CP: variants seen among roughly 807,000 people sequenced by gnomAD.
CP encodes ceruloplasmin.
A neutral mutation model predicts 122.4 loss-of-function variants in CP; 64 were observed. The ratio of observed to expected loss-of-function variants is 0.52; its 90% CI spans 0.43 to 0.64. CP has a LOEUF of 0.64. CP is among the 30% of genes least tolerant of loss of function. CP has a pLI of 0.00. For synonymous variants in CP, 440 were observed against 436.4 expected, an observed-to-expected ratio of 1.01 and a Z score of -0.10; for missense variants, 1,167 against 1,284.4, an observed-to-expected ratio of 0.91 and a Z score of 1.40.
chr3:149,163,549 A>G (rs1301104517), intron 5 of CP, among the ~76,000 whole-genome samples: 2 of 152,186 alleles, frequency 1.3e-5, no homozygotes, highest in Non-Finnish European at 2.9e-5. Flanking sequence ...ATTATTTCCA[A>G]TATTCTTTTT....
chr3:149,184,808 C>T (rs547805023), intron 12 of CP, among the ~76,000 whole-genome samples: 2 of 152,240 alleles, frequency 1.3e-5, no homozygotes, highest in South Asian at 2.1e-4. Flanking sequence ...ATATTCCATA[C>T]GTAACGGTTT....
At chr3:149,202,908 C>CTT (rs34145911) in intron 6 of CP, among the ~76,000 whole-genome samples, 16 of 110,334 alleles carry the variant, frequency 1.5e-4, no homozygotes, top group Non-Finnish European at 1.7e-4. Flanking sequence ...CATGCCTGGC[C>CTT]TTTTTTTTTT....
intron 4 of CP, among the ~76,000 whole-genome samples, chr3:149,208,022 G>A (rs542523609): frequency 6.6e-6 from 1 of 152,098 alleles, no homozygotes; most frequent in South Asian, 2.1e-4. Flanking sequence ...TGGTAGTATG[G>A]ATGTTTTTGC....
At chr3:149,180,845 T>G (rs1438211110) in intron 14 of CP, among the ~76,000 whole-genome samples, 1 of 152,150 alleles carries the variant, frequency 6.6e-6, no homozygotes, top group East Asian at 1.9e-4. Context: ...CTTCCACCAG[T>G]GGTCAGTGCC....
intron 18 of CP, among the ~76,000 whole-genome samples, chr3:149,174,879 A>AT (rs1325662198): frequency 6.6e-6 from 1 of 151,938 alleles, no homozygotes; most frequent in Non-Finnish European, 1.5e-5. Flanking sequence ...TTTCTCTTTA[A>AT]TTTTTTATCT....
chr3:149,166,006 T>C (rs974590136), exon 5 of CP: 59 of 456,156 alleles, frequency 1.3e-4, no homozygotes, highest in African/African-American at 5.4e-4. Context: ...CTGACTGTGA[T>C]TGGGTAGATC....
At chr3:149,211,428 C>A (rs2108299031) in intron 2 of CP, among the ~76,000 whole-genome samples, 1 of 152,288 alleles carries the variant, frequency 6.6e-6, no homozygotes, top group East Asian at 1.9e-4. Context: ...GGGGCTCAGA[C>A]CTTTGTCTAT....
chr3:149,218,409 G>C (rs1272491969), intron 1 of CP, among the ~76,000 whole-genome samples: 1 of 152,128 alleles, frequency 6.6e-6, no homozygotes, highest in Non-Finnish European at 1.5e-5. Context: ...GTAAATAGCA[G>C]TACTGAGTAT....
At chr3:149,176,970 G>A (rs752824568) in intron 17 of CP, among the ~76,000 whole-genome samples, 14 of 152,162 alleles carry the variant, frequency 9.2e-5, no homozygotes, top group Admixed American at 2.6e-4. Flanking sequence ...AAAACAAAAT[G>A]CAGGTAACAA....
chr3:149,188,341 T>A (rs1726316284), intron 9 of CP, 139 bp from the exon 10 acceptor site: 3 of 700,338 alleles, frequency 4.3e-6, no homozygotes, highest in Non-Finnish European at 7.0e-6. Context: ...TAAACTAGGG[T>A]TCCTGAAATA....
At chr3:149,182,304 G>A (rs1482688574) in intron 13 of CP, among the ~76,000 whole-genome samples, 171 bp from the exon 14 acceptor site, 1 of 152,170 alleles carries the variant, frequency 6.6e-6, no homozygotes, top group African/African-American at 2.4e-5. Context: ...AATAAAAATG[G>A]AGACCATTTG....
intron 12 of CP, 123 bp downstream of exon 12, chr3:149,185,116 G>A (rs975988886): frequency 4.1e-5 from 32 of 782,134 alleles, no homozygotes; most frequent in Non-Finnish European, 5.4e-5. Flanking sequence ...TGTTGTTGTT[G>A]TTGTTGTTGT....
At chr3:149,171,276 CAA>C (rs547538833), downstream of CP, among the ~76,000 whole-genome samples, 4 of 140,920 alleles carry the variant, frequency 2.8e-5, no homozygotes, top group South Asian at 4.4e-4. Flanking sequence ...GACTCCGTCT[CAA>C]AAAAAAAAAA....
In CP at chr3:149,210,154, G is replaced by A; in HGVS notation, c.607+13C>T. ...TTTGGTCATATAGCATGTGCAATAA[G>A]GAGAAGATGTACCTTTTTTACAGAT... On this transcript the variant is annotated intron_variant, in intron 3 of 18. Transcript: ENST00000264613. 6.2e-7 allele frequency: 1 copy of A among 1,612,994 alleles called. No individual in the cohort carries two copies. Among genetic ancestry groups the A allele is most frequent in the South Asian group, 1.1e-5 (1 of 91,054 alleles).
chr3:149,192,334 AAT>A (rs1382241899), intron 9 of CP, among the ~76,000 whole-genome samples: 1 of 152,088 alleles, frequency 6.6e-6, no homozygotes, highest in African/African-American at 2.4e-5. Flanking sequence ...CAGATAATCT[AAT>A]AGTTGTTTAG....
At chr3:149,206,064 A>G (rs1332392945) in intron 6 of CP, 104 bp downstream of exon 6, 2 of 1,066,164 alleles carry the variant, frequency 1.9e-6, no homozygotes, top group African/African-American at 3.2e-5. Flanking sequence ...TAGTTACTCA[A>G]TTTCAGATAC....
intron 9 of CP, among the ~76,000 whole-genome samples, chr3:149,192,670 T>C (rs755641663): frequency 2.0e-5 from 3 of 150,544 alleles, no homozygotes; most frequent in African/African-American, 5.0e-5. Context: ...GTATGTAGTA[T>C]ACACACACAC....
Position 149,207,347 on chromosome 3 carries a change from G to T in CP, c.1036+16C>A, listed in dbSNP as rs376410072. On this transcript the variant is annotated intron_variant, in intron 5 of 18. Transcript: ENST00000264613. ...CTTTTTCAGCTGACTGCTAATTTCA[G>T]GTAAAGATGTCCTACCTTTCAGATG... The T allele has an allele frequency of 6.8e-6, 11 of 1,613,556 alleles. No homozygotes were observed. In the Admixed American group the frequency reaches 1.2e-4, roughly 17 times the overall value.
intron 18 of CP, among the ~76,000 whole-genome samples, chr3:149,174,705 T>A (rs1725297009): frequency 6.6e-6 from 1 of 152,196 alleles, no homozygotes; most frequent in Admixed American, 6.5e-5. Flanking sequence ...GACTCATAAT[T>A]AATGTAAACT....
Sources: allele counts gnomAD v4.1 joint callset (sites outside exome capture counted in the v4.1 genomes callset), GRCh38; gene constraint gnomAD v4.1.1; transcripts MANE v1.5; gene names NCBI Gene and HGNC (gene_info 2026-07-23, HGNC 2026-07-21).